The following NTRK3 variants were observed in gnomAD, a reference collection of about 807,000 sequenced individuals.
NTRK3 encodes the protein neurotrophic receptor tyrosine kinase 3, also known as NT-3 growth factor receptor.
Under a neutral mutation model 91.7 loss-of-function variants are expected in NTRK3, and 24 were observed. That is an observed-to-expected ratio of 0.26 (90% CI 0.19 to 0.37). NTRK3 has a LOEUF of 0.37. Among genes scored for constraint, NTRK3 ranks in the 10% least tolerant of loss-of-function variants. The pLI, the probability that NTRK3 is intolerant of heterozygous loss-of-function variation, is 1.00. For missense variants in NTRK3, 880 were observed against 1,068.9 expected (o/e 0.82, Z 2.46); for synonymous variants, 483 against 404.0 (o/e 1.20, Z -2.34).
chr15:87,877,339 C>T (rs540506036), intron 18 of NTRK3, among the ~76,000 whole-genome samples: 3 of 152,134 alleles, frequency 2.0e-5, no homozygotes, highest in Non-Finnish European at 4.4e-5. Flanking sequence ...TCCTCTGCTG[C>T]CCTTCATACT....
Position 88,056,496 on chromosome 15 carries a change from T to C in NTRK3, c.1397-23451A>G, listed in dbSNP as rs201301094. Among the ~76,000 whole-genome samples the C allele has an allele frequency of 1.1e-3, 170 of 152,308 alleles. 2 individuals carry two copies. The East Asian group carries it at 0.029, about 26-fold the overall frequency. Reference sequence around the variant, plus strand: ...TATTATCTGCCTCGGGGCCTTCGTTTCACTTGGGAACAAAGACACTGCTTC... The same window carrying C: ...TATTATCTGCCTCGGGGCCTTCGTTCCACTTGGGAACAAAGACACTGCTTC... On this transcript the variant is annotated intron_variant, in intron 13 of 18. Coordinates refer to ENST00000394480, the Ensembl canonical transcript of NTRK3.
chr15:88,034,623 C>T (rs2078905190), intron 13 of NTRK3, among the ~76,000 whole-genome samples: 3 of 152,190 alleles, frequency 2.0e-5, no homozygotes, highest in Non-Finnish European at 2.9e-5. Context: ...TGCAGAAATC[C>T]ATTACATCTT....
Position 88,253,965 on chromosome 15 carries a change from G to A in NTRK3, c.248+1941C>T, listed in dbSNP as rs183001987. On this transcript the variant is annotated intron_variant, in intron 3 of 18. Coordinates refer to ENST00000394480, the Ensembl canonical transcript of NTRK3. ...TTCAGAGGAGCAACACCTCTGTGTG[G>A]CTATAAAGAGCCTACGTGATTGTGA... is the stretch of plus-strand genomic sequence containing the variant. 1.0e-3 allele frequency among the ~76,000 whole-genome samples: 153 copies of A among 152,296 alleles called. 1 individual carries two copies. Among genetic ancestry groups the A allele is most frequent in the African/African-American group, 3.5e-3 (147 of 41,562 alleles).
chr15:88,176,530 G>A (rs1039756015), intron 5 of NTRK3, among the ~76,000 whole-genome samples: 7 of 152,152 alleles, frequency 4.6e-5, no homozygotes, highest in African/African-American at 1.7e-4. Flanking sequence ...AAAGTAGACA[G>A]GATAAATATG....
intron 6 of NTRK3, among the ~76,000 whole-genome samples, chr15:88,138,840 A>G (rs1303338587): frequency 6.6e-6 from 1 of 152,232 alleles, no homozygotes; most frequent in African/African-American, 2.4e-5. Flanking sequence ...CATTGAGGTC[A>G]GCAACATTGC....
intron 17 of NTRK3, among the ~76,000 whole-genome samples, chr15:87,881,580 C>T (rs1000398483): frequency 2.6e-5 from 4 of 151,914 alleles, no homozygotes; most frequent in Non-Finnish European, 4.4e-5. Flanking sequence ...CTGCCACACC[C>T]GGCTAATTTT....
At chr15:88,028,261 A>T (rs1355605950) in intron 14 of NTRK3, among the ~76,000 whole-genome samples, 1 of 152,184 alleles carries the variant, frequency 6.6e-6, no homozygotes, top group Non-Finnish European at 1.5e-5. Context: ...ACGTGAGCCC[A>T]TGAGGGTGGA....
chr15:88,056,929 G>T (rs2045749366), intron 13 of NTRK3, among the ~76,000 whole-genome samples: 1 of 151,946 alleles, frequency 6.6e-6, no homozygotes, highest in East Asian at 1.9e-4. Flanking sequence ...CCAGCACTTT[G>T]GGAGGCCGAG....
At chr15:88,027,803 A>G (rs1436110477) in intron 14 of NTRK3, among the ~76,000 whole-genome samples, 1 of 152,216 alleles carries the variant, frequency 6.6e-6, no homozygotes, top group Non-Finnish European at 1.5e-5. Flanking sequence ...GACACTAGGA[A>G]TAAACTCAAA....
At chr15:88,168,503 A>C (rs967350293) in intron 5 of NTRK3, among the ~76,000 whole-genome samples, 1 of 152,252 alleles carries the variant, frequency 6.6e-6, no homozygotes, top group African/African-American at 2.4e-5. Flanking sequence ...TATAATTACA[A>C]GAGCTTAATT....
intron 13 of NTRK3, among the ~76,000 whole-genome samples, chr15:88,088,528 A>G (rs538435846): frequency 6.6e-6 from 1 of 152,350 alleles, no homozygotes; most frequent in Non-Finnish European, 1.5e-5. Context: ...TTGTAATAAC[A>G]TGTTGTAACA....
intron 3 of NTRK3, among the ~76,000 whole-genome samples, chr15:88,231,738 T>C (rs891537340): frequency 2.0e-4 from 31 of 152,296 alleles, no homozygotes; most frequent in African/African-American, 7.5e-4. Context: ...TTTAAAGAGT[T>C]TTCAGAGATC....
chr15:87,969,418 T>C (rs983866911), intron 14 of NTRK3, among the ~76,000 whole-genome samples: 1 of 152,140 alleles, frequency 6.6e-6, no homozygotes, highest in Non-Finnish European at 1.5e-5. Flanking sequence ...ATTAAAATAA[T>C]GATAATAGCA....
chr15:88,055,860 G>A (rs913487652), intron 13 of NTRK3, among the ~76,000 whole-genome samples: 8 of 152,160 alleles, frequency 5.3e-5, no homozygotes, highest in African/African-American at 1.9e-4. Context: ...CTAGCAGCTG[G>A]AACAGACTTA....
At position 88,235,852 on chromosome 15, in the gene NTRK3, A is replaced by T. The variant is rs961767480; in HGVS notation, c.248+20054T>A. Among the ~76,000 whole-genome samples, 1 of 152,190 alleles carries T rather than the reference A, an allele frequency of 6.6e-6. No homozygotes were observed. Among genetic ancestry groups the T allele is most frequent in the African/African-American group, 2.4e-5 (1 of 41,442 alleles). ...AGTCAAACAGGATCCCAGCTCTGCC[A>T]CCTACCAGTTGGATGACCTTGAACA... On this transcript the variant is annotated intron_variant, in intron 3 of 18. Transcript: ENST00000394480. This position sits in a 1 kb window ranked among gnomAD's most constrained non-coding sequence, Gnocchi z 5.2.
chr15:88,125,878 C>T (rs940188383), intron 13 of NTRK3, among the ~76,000 whole-genome samples: 1 of 152,226 alleles, frequency 6.6e-6, no homozygotes, highest in Non-Finnish European at 1.5e-5. Flanking sequence ...GCCTTCCCAA[C>T]ACAACTTCAA....
chr15:88,004,545 C>A (rs537953888), intron 14 of NTRK3, among the ~76,000 whole-genome samples: 172 of 152,258 alleles, frequency 1.1e-3, no homozygotes, highest in African/African-American at 3.6e-3. Flanking sequence ...AACATGTTGC[C>A]AAGCATCATC....
At chr15:88,028,228 T>C (rs1278809879) in intron 14 of NTRK3, among the ~76,000 whole-genome samples, 1 of 152,128 alleles carries the variant, frequency 6.6e-6, no homozygotes, top group African/African-American at 2.4e-5. Flanking sequence ...CCATCCCATG[T>C]CTTGGTGTTC....
chr15:88,094,331 C>T (rs1219224120), intron 13 of NTRK3, among the ~76,000 whole-genome samples: 8 of 151,554 alleles, frequency 5.3e-5, no homozygotes, highest in East Asian at 1.9e-4. Context: ...TAGCCGGGCG[C>T]GGTGGCGGGC....
Sources: gnomAD v4.1 joint callset for allele counts (sites outside exome capture counted in the v4.1 genomes callset) on GRCh38, gnomAD v4.1.1 for gene constraint, Gnocchi (gnomAD v3.1) non-coding constraint, MANE v1.5 for transcripts, NCBI Gene and HGNC (gene_info 2026-07-23, HGNC 2026-07-21) for gene names.